RNF2: variants seen among roughly 807,000 people sequenced by gnomAD.
RNF2 encodes E3 ubiquitin-protein ligase RING2.
RNF2 carries 6 observed loss-of-function variants against 37.2 expected under a neutral mutation model. The observed-to-expected ratio is 0.16, with a 90% CI of 0.09 to 0.32. The LOEUF (loss-of-function observed/expected upper bound fraction) is 0.32, where lower values mean the gene tolerates loss of function less well. RNF2 is among the 10% of genes least tolerant of loss of function. The probability of loss-of-function intolerance (pLI) is 1.00; values close to 1 mark genes in which losing one functional copy is unlikely to be tolerated. For synonymous variants in RNF2, 133 were observed against 132.7 expected, an observed-to-expected ratio of 1.00 and a Z score of -0.02; for missense variants, 251 against 404.0, an observed-to-expected ratio of 0.62 and a Z score of 3.25.
At chr1:185,057,089 C>G (rs1031798901) in intron 1 of RNF2, among the ~76,000 whole-genome samples, 2 of 152,116 alleles carry the variant, frequency 1.3e-5, no homozygotes, top group Non-Finnish European at 2.9e-5. Flanking sequence ...AGGAGGATCA[C>G]TTGAGACTAG....
intron 1 of RNF2, among the ~76,000 whole-genome samples, chr1:185,084,735 C>T (rs1651530373): frequency 1.3e-5 from 2 of 152,144 alleles, no homozygotes; most frequent in Non-Finnish European, 2.9e-5. Flanking sequence ...GCCTACTAAG[C>T]GCAATAATTT....
rs1333217944 is a variant in RNF2, at chr1:185,102,544, T to C, written c.*2243T>C. 6.6e-6 allele frequency: 1 copy of C among 152,232 alleles called. No individual in the cohort carries two copies. The highest frequency in any genetic ancestry group is 1.5e-5 in the Non-Finnish European group (1 of 68,030). 9.4% of individuals were successfully genotyped at this position (152,232 alleles called of 1,614,324 possible). On this transcript the variant is annotated 3_prime_UTR_variant, in exon 7 of 7. Transcript: ENST00000367510. Reference sequence around the variant, plus strand: ...ACCGCTGTCTACTTGTAAAACTTTTTCATCACCCCAAACAGAAACTCTGTG... The same window carrying C: ...ACCGCTGTCTACTTGTAAAACTTTTCCATCACCCCAAACAGAAACTCTGTG...
intron 4 of RNF2, among the ~76,000 whole-genome samples, chr1:185,095,226 C>T (rs1206452412): frequency 6.6e-6 from 1 of 152,190 alleles, no homozygotes; most frequent in Admixed American, 6.5e-5. Context: ...GCAAGACTCT[C>T]CTTGTAAATA....
chr1:185,058,344 TG>T (rs144679344), intron 1 of RNF2, among the ~76,000 whole-genome samples: 1,862 of 152,248 alleles, frequency 0.012, 38 homozygotes, highest in African/African-American at 0.042. Flanking sequence ...CAGAACCCCA[TG>T]GATACTCAGG....
intron 1 of RNF2, among the ~76,000 whole-genome samples, chr1:185,051,993 C>T (rs1259908009): frequency 6.6e-6 from 1 of 151,194 alleles, no homozygotes; most frequent in African/African-American, 2.4e-5. Context: ...TAACACTTCT[C>T]AAATTAAGAA....
chr1:185,090,172 G>A (rs1365575710), intron 2 of RNF2, among the ~76,000 whole-genome samples: 3 of 152,052 alleles, frequency 2.0e-5, no homozygotes, highest in East Asian at 2.0e-4. Flanking sequence ...CACCCGCCTC[G>A]GCCTCCCGAA....
intron 1 of RNF2, among the ~76,000 whole-genome samples, chr1:185,057,981 C>T (rs967144318): frequency 2.0e-5 from 3 of 151,934 alleles, no homozygotes; most frequent in Non-Finnish European, 2.9e-5. Flanking sequence ...AAAAATTAGC[C>T]GGGCTTGGTG....
intron 1 of RNF2, among the ~76,000 whole-genome samples, chr1:185,063,846 A>G (rs897785671): frequency 6.6e-6 from 1 of 152,162 alleles, no homozygotes; most frequent in East Asian, 1.9e-4. Flanking sequence ...CTCTTGGACT[A>G]CTACCCTGGC....
chr1:185,066,766 G>A (rs1041191291), intron 1 of RNF2, among the ~76,000 whole-genome samples: 1 of 152,132 alleles, frequency 6.6e-6, no homozygotes, highest in Non-Finnish European at 1.5e-5. Flanking sequence ...ACCTTGATAG[G>A]TGTATCTTAA....
chr1:185,063,647 C>G (rs770872637), intron 1 of RNF2, among the ~76,000 whole-genome samples: 3 of 152,164 alleles, frequency 2.0e-5, no homozygotes, highest in Non-Finnish European at 4.4e-5. Context: ...TTTTACAGTT[C>G]TGGCAGTAAG....
intron 6 of RNF2, 23 bp downstream of exon 6, chr1:185,099,985 T>A: frequency 3.1e-6 from 5 of 1,593,798 alleles, no homozygotes; most frequent in Non-Finnish European, 4.3e-6. Flanking sequence ...AATAATAGAC[T>A]GTTGAAACTG....
At chr1:185,082,853 C>T (rs754956367) in intron 1 of RNF2, among the ~76,000 whole-genome samples, 5 of 152,070 alleles carry the variant, frequency 3.3e-5, no homozygotes, top group Non-Finnish European at 5.9e-5. Flanking sequence ...CAGCAAGTAA[C>T]AAGTCGTTAG....
At chr1:185,074,853 A>T (rs1012107085) in intron 1 of RNF2, among the ~76,000 whole-genome samples, 10 of 152,218 alleles carry the variant, frequency 6.6e-5, no homozygotes, top group Non-Finnish European at 1.2e-4. Context: ...TGTAAGTTAT[A>T]TGCAAATGCT....
intron 1 of RNF2, among the ~76,000 whole-genome samples, chr1:185,065,178 C>A (rs1397719229): frequency 5.3e-5 from 8 of 152,166 alleles, no homozygotes; most frequent in Middle Eastern, 6.8e-3. Flanking sequence ...CCCTCTGTGT[C>A]TAGCTAAAGG....
intron 1 of RNF2, among the ~76,000 whole-genome samples, chr1:185,054,958 C>T (rs1377261382): frequency 6.6e-6 from 1 of 152,200 alleles, no homozygotes; most frequent in Admixed American, 6.5e-5. Context: ...CCTCGGCCTT[C>T]CAGAGTGCTA....
intron 1 of RNF2, among the ~76,000 whole-genome samples, chr1:185,070,724 C>T (rs950699430): frequency 1.3e-5 from 2 of 151,248 alleles, no homozygotes; most frequent in South Asian, 2.1e-4. Flanking sequence ...CTGCAAGTTC[C>T]GCCTCCCGGG....
rs1296446311 is a variant in RNF2, at chr1:185,085,334, G to C, written c.-2-2218G>C. ...CAGCTAATTTTTTGTATTTTTAGTAGAGACGGGGTTTCACCGTGGTCTCGA... is the reference window on the plus strand; with the variant it reads ...CAGCTAATTTTTTGTATTTTTAGTACAGACGGGGTTTCACCGTGGTCTCGA... On this transcript the variant is annotated intron_variant, in intron 1 of 6. Coordinates refer to ENST00000367510, the MANE Select transcript of RNF2 (RefSeq NM_007212.4). Among the ~76,000 whole-genome samples, 3 of 151,704 alleles carry C rather than the reference G, an allele frequency of 2.0e-5. No homozygotes were observed. In the East Asian group the frequency reaches 5.9e-4, roughly 30 times the overall value.
chr1:185,066,236 C>G (rs12044346), intron 1 of RNF2, among the ~76,000 whole-genome samples: 4 of 152,158 alleles, frequency 2.6e-5, no homozygotes, highest in Admixed American at 2.6e-4. Flanking sequence ...GTATTGCATA[C>G]TAGGCCTCAC....
At chr1:185,076,272 T>TG (rs1651155588) in intron 1 of RNF2, among the ~76,000 whole-genome samples, 1 of 29,250 alleles carries the variant, frequency 3.4e-5, no homozygotes, top group African/African-American at 1.7e-4. Flanking sequence ...TGGGTTGTTT[T>TG]TTTTTTTTTT....
Sources: allele counts gnomAD v4.1 joint callset (sites outside exome capture counted in the v4.1 genomes callset), GRCh38; gene constraint gnomAD v4.1.1; transcripts MANE v1.5; gene names NCBI Gene and HGNC (gene_info 2026-07-23, HGNC 2026-07-21).